The following CAPN15 variants were observed in gnomAD, a reference collection of about 807,000 sequenced individuals.
CAPN15 encodes the protein calpain 15.
A neutral mutation model predicts 97.9 loss-of-function variants in CAPN15; 53 were observed. The ratio of observed to expected loss-of-function variants is 0.54; its 90% confidence interval spans 0.43 to 0.68. The LOEUF is 0.68. Ranked by LOEUF, CAPN15 falls within the 30% of genes least tolerant of loss-of-function variation. The pLI is 0.00. For synonymous variants in CAPN15, 922 were observed against 722.5 expected, an observed-to-expected ratio of 1.28 and a Z score of -4.43; for missense variants, 1,592 against 1,589.8, an observed-to-expected ratio of 1.00 and a Z score of -0.02.
intron 1 of CAPN15, among the ~76,000 whole-genome samples, chr16:530,255 T>C (rs557297985): frequency 1.7e-4 from 26 of 152,332 alleles, no homozygotes; most frequent in African/African-American, 6.0e-4. Context: ...GTCTCCCTGC[T>C]GGATGTGGCG....
At chr16:532,914 A>C (rs1046150374) in intron 1 of CAPN15, among the ~76,000 whole-genome samples, 1 of 148,578 alleles carries the variant, frequency 6.7e-6, no homozygotes, top group Non-Finnish European at 1.5e-5. Flanking sequence ...CACCATCCTC[A>C]TGCTGATCAC....
In CAPN15 at chr16:547,985, G is replaced by T. The variant is rs540706063; in HGVS notation, c.1147G>T (p.Asp383Tyr). 1.3e-6 allele frequency: 2 copies of T among 1,582,514 alleles called. No individual in the cohort carries two copies. The highest frequency in any genetic ancestry group is 1.1e-5 in the South Asian group (1 of 87,274). ...TGGCGAGCCCCCCACCCACTGCCCCGACTGTGGGGCCGACAAGCCCAGCCC... is the reference window on the plus strand; with the variant it reads ...TGGCGAGCCCCCCACCCACTGCCCCTACTGTGGGGCCGACAAGCCCAGCCC... Reference protein sequence around the residue: ...EHGEPPTHCPDCGADKPSPCG... With the variant: ...EHGEPPTHCPYCGADKPSPCG... The change falls in exon 4 of 14, where the codon GAC becomes TAC. Residue 383 changes from aspartate (D) to tyrosine (Y), a missense_variant. Physicochemically the swap from Asp to Tyr is radical, Grantham distance 160. Around this residue, in one of 3 missense-constraint regions of CAPN15, gnomAD observed 883 missense variants for 776.6 expected, o/e 1.14. Transcript: ENST00000219611.
At chr16:544,409 T>C (rs1222492395) in intron 3 of CAPN15, among the ~76,000 whole-genome samples, 1 of 152,018 alleles carries the variant, frequency 6.6e-6, no homozygotes, top group African/African-American at 2.4e-5. Flanking sequence ...TGCAGCTTCC[T>C]GCTCCTCACT....
chr16:550,895 T>TGGTCGGC (rs1295403021), intron 7 of CAPN15, among the ~76,000 whole-genome samples: 27 of 33,840 alleles, frequency 8.0e-4, no homozygotes, highest in Non-Finnish European at 1.3e-3. Flanking sequence ...GTGAGGTCCC[T>TGGTCGGC]GGTCGGTGAG....
At chr16:544,003 G>GCA (rs2034350379) in intron 3 of CAPN15, among the ~76,000 whole-genome samples, 1 of 152,188 alleles carries the variant, frequency 6.6e-6, no homozygotes, top group Non-Finnish European at 1.5e-5. Flanking sequence ...CGGCCGGCGT[G>GCA]GGGCTGAGGT....
In CAPN15 at chr16:534,231, CAG is replaced by C. The variant is rs72303042; in HGVS notation, c.-137+234_-137+235del. 2.7e-3 allele frequency among the ~76,000 whole-genome samples: 401 copies of C among 147,888 alleles called. 22 individuals carry two copies. Among genetic ancestry groups the C allele is most frequent in the African/African-American group, 9.8e-3 (370 of 37,734 alleles). ...CGGTGAGGGCGGCCCGGGGTCCCGA[CAG>C]GGGTGTTTGTCCCTTTGGGGACCTC... On this transcript the variant is annotated intron_variant, in intron 2 of 13. Transcript: ENST00000219611.
At position 552,678 on chromosome 16, in the gene CAPN15, G is replaced by A. The variant is rs555400870; in HGVS notation, c.2811G>A (p.Ser937=). Residue 937 remains serine, a synonymous_variant, in exon 12 of 14, where the codon TCG becomes TCA. Transcript: ENST00000219611. The surrounding 1 kb of genome is among the most constrained non-coding windows in gnomAD (Gnocchi z 6.4). ...GCCACGTGCTGGCTGTGTACAGCTC[G>A]AGGCTGGTCATGGTGGAGCCCGTGG... The part of the protein sequence containing the change: ...PPGHVLAVYS[S]RLVMVEPVEA... The A allele has an allele frequency of 1.0e-4, 159 of 1,544,206 alleles. No homozygotes were observed. Among genetic ancestry groups the A allele is most frequent in the African/African-American group, 2.5e-4 (18 of 73,054 alleles).
In CAPN15 at chr16:552,770, A is replaced by G; in HGVS notation, c.2903A>G (p.Glu968Gly). ...ACCGAGAGCCGCGGAGAGCGGCACGAGGTGGGTGGGGGTCCCGGGGGAGGG... is the reference window on the plus strand; with the variant it reads ...ACCGAGAGCCGCGGAGAGCGGCACGGGGTGGGTGGGGGTCCCGGGGGAGGG... ...LLTESRGERH[E>G]GREGMTCYYL... The change falls in exon 12 of 14, where the codon GAG (glutamate) becomes GGG (glycine). Residue 968 changes from glutamate to glycine, a missense_variant and splice_region_variant. Coordinates refer to ENST00000219611, the MANE Select transcript of CAPN15 (RefSeq NM_005632.3). The surrounding 1 kb of genome is among the most constrained non-coding windows in gnomAD (Gnocchi z 6.4). 1 of 1,486,464 alleles carries G rather than the reference A, an allele frequency of 6.7e-7. No homozygotes were observed. The highest frequency in any genetic ancestry group is 9.0e-7 in the Non-Finnish European group (1 of 1,108,708). The allele number at this position is 1,486,464 out of a possible 1,614,324, so 92.1% of individuals were successfully genotyped here. A position where few individuals can be genotyped will look rare whatever the true frequency, so the allele number is the denominator to read the frequency against.
At position 534,832 on chromosome 16, in the gene CAPN15, C is replaced by T. The variant is rs148833155; in HGVS notation, c.-137+834C>T. Among the ~76,000 whole-genome samples the T allele has an allele frequency of 5.6e-3, 851 of 152,312 alleles. 5 individuals are homozygous for T. Among genetic ancestry groups the T allele is most frequent in the Non-Finnish European group, 7.7e-3 (522 of 68,016 alleles). On this transcript the variant is annotated intron_variant, in intron 2 of 13. Transcript: ENST00000219611. ...CCCCCAGCTCGGGCAGGGGTGACAC[C>T]GGGGCATCCTTGTTGGGGTCGCTGT...
chr16:532,419 G>A (rs1434024948), intron 1 of CAPN15, among the ~76,000 whole-genome samples: 4 of 151,486 alleles, frequency 2.6e-5, no homozygotes, highest in African/African-American at 4.9e-5. Flanking sequence ...GCTGGGCGTG[G>A]TGGTGTGTGC....
chr16:539,359 G>A (rs116428372), intron 3 of CAPN15: 8,541 of 152,376 alleles, frequency 0.056, 291 homozygotes, highest in South Asian at 0.13. Context: ...ACTCTGGGGA[G>A]AGCAGCTGCC....
In CAPN15 at chr16:553,619, G is replaced by A; in HGVS notation, c.*103G>A. 1 of 704,550 alleles carries A rather than the reference G, an allele frequency of 1.4e-6. No individual in the cohort carries two copies. The highest frequency in any genetic ancestry group is 2.2e-6 in the Non-Finnish European group (1 of 458,246). The allele number at this position is 704,550 out of a possible 1,614,324, so 43.6% of individuals were successfully genotyped here. ...GAGGACGCTTGAGCCAGAATCTCAG[G>A]ACCCCGCCCAGGGAGCTGCCAGCCC... On this transcript the variant is annotated 3_prime_UTR_variant, in exon 14 of 14. Coordinates refer to ENST00000219611, the MANE Select transcript of CAPN15 (RefSeq NM_005632.3).
In CAPN15 at chr16:549,374, C is replaced by T; in HGVS notation, c.1745C>T (p.Ala582Val). The change falls in exon 6 of 14, where the codon GCC becomes GTC. Residue 582 changes from alanine (A) to valine (V), a missense_variant. Coordinates refer to ENST00000219611, the MANE Select transcript of CAPN15 (RefSeq NM_005632.3). ...ACGCGCAGCCTGTGTGCAGAGGGCG[C>T]CTACCAGGTGCGGCTGTGCAAGGAC... ...MVTRSLCAEG[A>V]YQVRLCKDGT... 6.3e-7 allele frequency: 1 copy of T among 1,598,582 alleles called. No individual in the cohort carries two copies. The highest frequency in any genetic ancestry group is 8.5e-7 in the Non-Finnish European group (1 of 1,178,524).
Position 552,789 on chromosome 16 carries a change from G to A in CAPN15, c.2904+18G>A, listed in dbSNP as rs771766415. ...GGCACGAGGTGGGTGGGGGTCCCGG[G>A]GGAGGGTGGCGTGGGGCAGGGGGAG... On this transcript the variant is annotated intron_variant, in intron 12 of 13. Transcript: ENST00000219611. The surrounding 1 kb of genome is among the most constrained non-coding windows in gnomAD (Gnocchi z 6.4). 5.2e-6 allele frequency: 8 copies of A among 1,530,474 alleles called. No individual in the cohort carries two copies. In the Admixed American group the frequency reaches 1.2e-4, roughly 24 times the overall value. The allele number at this position is 1,530,474 out of a possible 1,614,324, so 94.8% of individuals were successfully genotyped here. A position where few individuals can be genotyped will look rare whatever the true frequency, so the allele number is the denominator to read the frequency against.
chr16:544,077 G>A (rs1001029885), intron 3 of CAPN15, among the ~76,000 whole-genome samples: 6 of 152,272 alleles, frequency 3.9e-5, no homozygotes, highest in East Asian at 1.9e-4. Context: ...GCCGGGCACC[G>A]GCGGCTCAGC....
intron 1 of CAPN15, among the ~76,000 whole-genome samples, chr16:529,134 G>C (rs368764440): frequency 4.7e-4 from 72 of 152,024 alleles, no homozygotes; most frequent in South Asian, 3.5e-3. Context: ...TGCGGGAGGA[G>C]CACCCCTCTT....
chr16:551,256 C>A, intron 7 of CAPN15, 46 bp from the exon 8 acceptor site: 1 of 1,529,354 alleles, frequency 6.5e-7, no homozygotes, highest in South Asian at 1.2e-5. Flanking sequence ...GTGAGGGTCC[C>A]CTGTCGGTGA....
Position 547,780 on chromosome 16 carries a change from C to T in CAPN15, c.942C>T (p.Ser314=), listed in dbSNP as rs972659909. ...GCACCAGCCGCGTAGAGGCCGGCAGCTCCACCTCGGGCAGTGACATCATTG... is the reference window on the plus strand; with the variant it reads ...GCACCAGCCGCGTAGAGGCCGGCAGTTCCACCTCGGGCAGTGACATCATTG... ...EGGTSRVEAG[S]STSGSDIIDL... The change falls in exon 4 of 14, where the codon AGC becomes AGT. Residue 314 remains serine, a synonymous_variant. Coordinates refer to ENST00000219611, the MANE Select transcript of CAPN15 (RefSeq NM_005632.3). 9 of 1,611,266 alleles carry T rather than the reference C, an allele frequency of 5.6e-6. No homozygotes were observed. The highest frequency in any genetic ancestry group is 7.6e-6 in the Non-Finnish European group (9 of 1,179,158).
At chr16:533,485 T>C (rs2033420479) in intron 1 of CAPN15, among the ~76,000 whole-genome samples, 1 of 152,140 alleles carries the variant, frequency 6.6e-6, no homozygotes, top group African/African-American at 2.4e-5. Flanking sequence ...CACCTGGCTG[T>C]GTGCCTGTGC....
Sources: allele counts gnomAD v4.1 joint callset (sites outside exome capture counted in the v4.1 genomes callset), GRCh38; gene constraint gnomAD v4.1.1; regional missense constraint gnomAD v4.1.1; non-coding constraint Gnocchi (gnomAD v3.1); transcripts MANE v1.5; gene names NCBI Gene and HGNC (gene_info 2026-07-23, HGNC 2026-07-21).